Variants in MAPK12 observed in about 807,000 individuals in gnomAD.
MAPK12 encodes the protein MAP kinase 12.
Under a neutral mutation model 49.1 loss-of-function variants are expected in MAPK12, and 49 were observed. The ratio of observed to expected loss-of-function variants is 1.00; its 90% CI spans 0.79 to 1.27. The LOEUF (loss-of-function observed/expected upper bound fraction) is 1.27. Among genes scored for constraint, MAPK12 ranks in the 50% most tolerant of loss-of-function variants. The pLI, the probability that MAPK12 is intolerant of heterozygous loss-of-function variation, is 0.00. For synonymous variants in MAPK12, 251 were observed against 209.7 expected, an observed-to-expected ratio of 1.20 and a Z score of -1.70; for missense variants, 554 against 502.4, an observed-to-expected ratio of 1.10 and a Z score of -0.98.
At position 50,257,695 on chromosome 22, in the gene MAPK12, T is replaced by A. The variant is rs550225154; in HGVS notation, c.315-502A>T. 1.6e-3 allele frequency: 958 copies of A among 606,786 alleles called. 7 individuals carry two copies. The highest frequency in any genetic ancestry group is 0.016 in the African/African-American group (845 of 54,038). The allele number at this position is 606,786 out of a possible 1,614,324, so 37.6% of individuals were successfully genotyped here. On this transcript the variant is annotated intron_variant, in intron 3 of 11. Coordinates refer to ENST00000215659, the MANE Select transcript of MAPK12 (RefSeq NM_002969.6). ...TGGAGACAGACACAGGAGAATGGTA[T>A]TTAGCACCTTCCCAGAGGCCACTGA...
Position 50,253,414 on chromosome 22 carries a change from T to C in MAPK12, c.1091A>G (p.Glu364Gly). Residue 364 changes from glutamate to glycine, a missense_variant, in exon 12 of 12, where the codon GAG becomes GGG. Glu to Gly is a moderately conservative substitution (Grantham distance 98, BLOSUM62 -2). Coordinates refer to ENST00000215659, the MANE Select transcript of MAPK12 (RefSeq NM_002969.6). ...GCCCAGAGATCTTCACAGAGGCGTC[T>C]CCTTGGAGACCCTGGCCCCCAGCTG... The part of the protein sequence containing the change: ...PRQLGARVSK[E>G]TPL 2.0e-6 allele frequency: 3 copies of C among 1,490,738 alleles called. No individual in the cohort carries two copies. Among genetic ancestry groups the C allele is most frequent in the Non-Finnish European group, 2.7e-6 (3 of 1,110,320 alleles). The allele number at this position is 1,490,738 out of a possible 1,614,324, so 92.3% of individuals were successfully genotyped here.
chr22:50,259,417 G>A (rs2065186092), intron 2 of MAPK12, among the ~76,000 whole-genome samples: 1 of 152,122 alleles, frequency 6.6e-6, no homozygotes, highest in Non-Finnish European at 1.5e-5. Flanking sequence ...CAGGACTGAG[G>A]CCTGTGGCAG....
intron 9 of MAPK12, 37 bp downstream of exon 9, chr22:50,255,578 G>GCCCCCCCCC: frequency 6.3e-7 from 1 of 1,581,996 alleles, no homozygotes; most frequent in Non-Finnish European, 8.7e-7. Flanking sequence ...GCCCAGGTCC[G>GCCCCCCCCC]CCCCCACCCC....
chr22:50,254,569 G>A (rs900806155), intron 11 of MAPK12: 31 of 823,632 alleles, frequency 3.8e-5, no homozygotes, highest in African/African-American at 3.3e-4. Flanking sequence ...GGAGAACGGT[G>A]TGTACCCGGG....
At chr22:50,259,252 C>T (rs771151469) in intron 2 of MAPK12, among the ~76,000 whole-genome samples, 12 of 152,164 alleles carry the variant, frequency 7.9e-5, no homozygotes, top group Admixed American at 5.9e-4. Flanking sequence ...AGGGGGTGTC[C>T]AGGGGGCAGC....
intron 2 of MAPK12, among the ~76,000 whole-genome samples, chr22:50,259,230 G>C (rs2065184069): frequency 6.6e-6 from 1 of 152,220 alleles, no homozygotes. Flanking sequence ...GAGGGAGGAG[G>C]AGAGGGAACA....
intron 11 of MAPK12, 85 bp downstream of exon 11, chr22:50,255,112 G>T: frequency 6.7e-7 from 1 of 1,501,380 alleles, no homozygotes. Flanking sequence ...CCTACCCGGA[G>T]CCCCCAACTC....
chr22:50,255,536 G>A lies in MAPK12; in HGVS notation c.772-5C>T, dbSNP rs1601640573. On this transcript the variant is annotated splice_region_variant and splice_polypyrimidine_tract_variant and intron_variant, in intron 9 of 11. Coordinates refer to ENST00000215659, the MANE Select transcript of MAPK12 (RefSeq NM_002969.6). ...GCCCTTCATGTAGTTCTTGGCCTGT[G>A]TGGGAAGAAAGGGTGAGGGGCCAAC... 1 of 1,613,202 alleles carries A rather than the reference G, an allele frequency of 6.2e-7. No homozygotes were observed. The highest frequency in any genetic ancestry group is 1.1e-5 in the South Asian group (1 of 91,090).
In MAPK12 at chr22:50,261,277, T is replaced by TGCGGCCGTCC; in HGVS notation, c.135_144dup (p.Thr49GlyfsTer7). 1 of 1,528,986 alleles carries TGCGGCCGTCC rather than the reference T, an allele frequency of 6.5e-7. No individual in the cohort carries two copies. The highest frequency in any genetic ancestry group is 1.4e-5 in the African/African-American group (1 of 69,922). 94.7% of individuals were successfully genotyped at this position (1,528,986 alleles called of 1,614,324 possible). A position where few individuals can be genotyped will look rare whatever the true frequency, so the allele number is the denominator to read the frequency against. The stretch of plus-strand genomic sequence containing the variant: ...TTCTTGATGGCCACCTTAGCGCCGG[T>TGCGGCCGTCC]GCGGCCGTCCACGGCCGAGCTGCGG... On this transcript the variant is annotated frameshift_variant, in exon 2 of 12. Coordinates refer to ENST00000215659, the MANE Select transcript of MAPK12 (RefSeq NM_002969.6). LOFTEE classifies it high-confidence loss of function.
chr22:50,258,178 G>A (rs2065171374), intron 3 of MAPK12, 65 bp downstream of exon 3: 2 of 1,508,016 alleles, frequency 1.3e-6, no homozygotes, highest in South Asian at 1.1e-5. Flanking sequence ...CCTAGAACCT[G>A]AAGCCAGTGC....
Position 50,255,540 on chromosome 22 carries a change from G to A in MAPK12, c.772-9C>T. 1 of 1,613,120 alleles carries A rather than the reference G, an allele frequency of 6.2e-7. No individual in the cohort carries two copies. The highest frequency in any genetic ancestry group is 2.2e-5 in the East Asian group (1 of 44,870). On this transcript the variant is annotated splice_polypyrimidine_tract_variant and intron_variant, in intron 9 of 11. Coordinates refer to ENST00000215659, the MANE Select transcript of MAPK12 (RefSeq NM_002969.6). ...TTCATGTAGTTCTTGGCCTGTGTGG[G>A]AAGAAAGGGTGAGGGGCCAACACCA...
Position 50,261,590 on chromosome 22 carries a change from C to G in MAPK12, c.-81G>C. 9.9e-7 allele frequency: 1 copy of G among 1,012,762 alleles called. No homozygotes were observed. Among genetic ancestry groups the G allele is most frequent in the South Asian group, 4.5e-5 (1 of 22,124 alleles). 62.7% of individuals were successfully genotyped at this position (1,012,762 alleles called of 1,614,324 possible). The stretch of plus-strand genomic sequence containing the variant: ...GGGGACGGGGCTCCCTCGGCGCGCG[C>G]CTCGGGCCGGCTCCGCGCCGCTCGT... On this transcript the variant is annotated 5_prime_UTR_variant, in exon 1 of 12. Coordinates refer to ENST00000215659, the MANE Select transcript of MAPK12 (RefSeq NM_002969.6).
chr22:50,256,715 T>C, intron 5 of MAPK12, 69 bp from the exon 6 acceptor site: 1 of 1,550,870 alleles, frequency 6.4e-7, no homozygotes, highest in Non-Finnish European at 8.7e-7. Context: ...AGAGCCTGGG[T>C]GGCACCTAAA....
intron 3 of MAPK12, chr22:50,257,710 G>A: frequency 1.6e-6 from 1 of 617,960 alleles, no homozygotes; most frequent in Non-Finnish European, 2.9e-6. Context: ...CACCTTCCCA[G>A]AGGCCACTGA....
chr22:50,256,891 G>A, intron 5 of MAPK12, 44 bp downstream of exon 5: 1 of 1,596,270 alleles, frequency 6.3e-7, no homozygotes, highest in Non-Finnish European at 8.5e-7. Context: ...CGGGGGGATT[G>A]CACTGGGGGA....
Position 50,261,307 on chromosome 22 carries a change from G to T in MAPK12, c.126-11C>A. The T allele has an allele frequency of 7.0e-7, 1 of 1,422,198 alleles. No homozygotes were observed. 88.1% of individuals were successfully genotyped at this position (1,422,198 alleles called of 1,614,324 possible). A position where few individuals can be genotyped will look rare whatever the true frequency, so the allele number is the denominator to read the frequency against. ...CCGTCCACGGCCGAGCTGCGGGGCG[G>T]ACCGCTTAGCGGGAAGGCCGGGCAC... On this transcript the variant is annotated splice_polypyrimidine_tract_variant and intron_variant, in intron 1 of 11. Coordinates refer to ENST00000215659, the MANE Select transcript of MAPK12 (RefSeq NM_002969.6).
Position 50,258,238 on chromosome 22 carries a change from C to T in MAPK12, c.314+5G>A, listed in dbSNP as rs371936267. The T allele has an allele frequency of 1.4e-5, 23 of 1,612,942 alleles. No individual in the cohort carries two copies. Among genetic ancestry groups the T allele is most frequent in the South Asian group, 2.2e-5 (2 of 91,090 alleles). ...GCCCAGCGGCCAGCCCAGGTCGGCA[C>T]TCACAAGTCCGTGAAGTCATCCAGG... On this transcript the variant is annotated splice_donor_5th_base_variant and intron_variant, in intron 3 of 11. Coordinates refer to ENST00000215659, the MANE Select transcript of MAPK12 (RefSeq NM_002969.6).
intron 2 of MAPK12, among the ~76,000 whole-genome samples, 158 bp from the exon 3 acceptor site, chr22:50,258,459 C>T (rs946983270): frequency 3.9e-5 from 6 of 152,210 alleles, no homozygotes; most frequent in African/African-American, 1.4e-4. Flanking sequence ...GCAGTGTGGC[C>T]CAGCCCTGGC....
intron 11 of MAPK12, 83 bp downstream of exon 11, chr22:50,255,114 C>A (rs2065135096): frequency 6.6e-7 from 1 of 1,504,980 alleles, no homozygotes; most frequent in Non-Finnish European, 8.9e-7. Context: ...TACCCGGAGC[C>A]CCCAACTCAC....
Sources: gnomAD v4.1 joint callset for allele counts (sites outside exome capture counted in the v4.1 genomes callset) on GRCh38, gnomAD v4.1.1 for gene constraint, MANE v1.5 for transcripts, NCBI Gene and HGNC (gene_info 2026-07-23, HGNC 2026-07-21) for gene names.